The following PRKCA variants were observed in gnomAD, a reference collection of about 807,000 sequenced individuals.
PRKCA encodes the protein protein kinase C alpha type.
Under a neutral mutation model 87.0 loss-of-function variants are expected in PRKCA, and 27 were observed. The observed-to-expected ratio is 0.31, with a 90% CI of 0.23 to 0.43. PRKCA has a LOEUF of 0.43. Ranked by LOEUF, PRKCA falls within the 20% of genes least tolerant of loss-of-function variation. The pLI is 1.00. For synonymous variants in PRKCA, 329 were observed against 311.1 expected, an observed-to-expected ratio of 1.06 and a Z score of -0.61; for missense variants, 518 against 852.3, an observed-to-expected ratio of 0.61 and a Z score of 4.88.
intron 3 of PRKCA, among the ~76,000 whole-genome samples, chr17:66,565,516 G>T (rs1401153049): frequency 6.6e-6 from 1 of 152,166 alleles, no homozygotes; most frequent in East Asian, 1.9e-4. Flanking sequence ...CAATTATAAC[G>T]TGGGACTTTC....
intron 3 of PRKCA, among the ~76,000 whole-genome samples, chr17:66,501,960 A>C (rs2144132749): frequency 6.6e-6 from 1 of 152,304 alleles, no homozygotes; most frequent in Admixed American, 6.5e-5. Context: ...GGGCAGATTC[A>C]GGAAGGGCTA....
At chr17:66,602,274 C>T (rs1451827724) in intron 3 of PRKCA, among the ~76,000 whole-genome samples, 13 of 108,354 alleles carry the variant, frequency 1.2e-4, no homozygotes, top group Admixed American at 1.1e-3. Context: ...TCTCGTGGTG[C>T]GCCGTTTCTT....
intron 3 of PRKCA, among the ~76,000 whole-genome samples, chr17:66,581,657 A>C (rs1032557726): frequency 1.3e-5 from 2 of 151,818 alleles, no homozygotes; most frequent in African/African-American, 2.4e-5. Context: ...TTGTATTTTT[A>C]ATAGAGATAG....
At chr17:66,305,557 A>G (rs1447498428) in intron 1 of PRKCA, among the ~76,000 whole-genome samples, 2 of 152,242 alleles carry the variant, frequency 1.3e-5, no homozygotes. Context: ...AAATGCAAAC[A>G]ATAGGAATTA....
rs137926817 is a variant in PRKCA at position 66,762,437 on chromosome 17, G to A, written c.1525-11550G>A. Among the ~76,000 whole-genome samples the A allele has an allele frequency of 4.6e-5, 7 of 152,300 alleles. No individual in the cohort carries two copies. In the East Asian group the frequency reaches 5.8e-4, roughly 13 times the overall value. Reference sequence around the variant, plus strand: ...GCTGAGGAAATGGAGGCTCAGAGAGGCTAACCAACTTGCCCAAAGTCACAC... The same window carrying A: ...GCTGAGGAAATGGAGGCTCAGAGAGACTAACCAACTTGCCCAAAGTCACAC... On this transcript the variant is annotated intron_variant, in intron 13 of 16. Coordinates refer to ENST00000413366, the MANE Select transcript of PRKCA (RefSeq NM_002737.3).
At chr17:66,438,736 C>T (rs1029239555) in intron 2 of PRKCA, among the ~76,000 whole-genome samples, 1 of 152,094 alleles carries the variant, frequency 6.6e-6, no homozygotes, top group Non-Finnish European at 1.5e-5. Flanking sequence ...GCAAACATGT[C>T]CTTCTTTACA....
chr17:66,478,408 CCA>C (rs898005449), intron 2 of PRKCA, among the ~76,000 whole-genome samples: 1 of 152,108 alleles, frequency 6.6e-6, no homozygotes, highest in Non-Finnish European at 1.5e-5. Flanking sequence ...CCATGTGCCA[CCA>C]CACCTGGCTA....
chr17:66,543,065 A>G (rs1968037350), intron 3 of PRKCA, among the ~76,000 whole-genome samples: 1 of 152,186 alleles, frequency 6.6e-6, no homozygotes, highest in African/African-American at 2.4e-5. Flanking sequence ...CACTTCCGTA[A>G]TTTCTATCCT....
chr17:66,529,922 C>A (rs963859679), intron 3 of PRKCA, among the ~76,000 whole-genome samples: 1 of 152,186 alleles, frequency 6.6e-6, no homozygotes, highest in African/African-American at 2.4e-5. Context: ...GATACTTTTC[C>A]TTCCTCCTCC....
intron 8 of PRKCA, among the ~76,000 whole-genome samples, chr17:66,725,266 A>G (rs917426396): frequency 3.3e-5 from 5 of 152,210 alleles, no homozygotes; most frequent in South Asian, 2.1e-4. Context: ...GCACCAGCTC[A>G]CCTGACTATC....
intron 8 of PRKCA, among the ~76,000 whole-genome samples, chr17:66,721,546 A>T (rs67177242): frequency 6.6e-6 from 1 of 152,038 alleles, no homozygotes; most frequent in African/African-American, 2.4e-5. Flanking sequence ...GGCAATTCCC[A>T]GCACTGAGGG....
chr17:66,514,453 C>T (rs1018278267), intron 3 of PRKCA, among the ~76,000 whole-genome samples: 3 of 152,124 alleles, frequency 2.0e-5, no homozygotes, highest in African/African-American at 7.2e-5. Context: ...AGTGTGTCAT[C>T]CTGGGATTCA....
chr17:66,554,706 CT>C (rs1968443730), intron 3 of PRKCA: 1 of 218,884 alleles, frequency 4.6e-6, no homozygotes, highest in Non-Finnish European at 7.7e-6. Flanking sequence ...CAGCCTTGTC[CT>C]TCCTCTTGGC....
chr17:66,618,061 C>T (rs2143676754), intron 3 of PRKCA, among the ~76,000 whole-genome samples: 1 of 152,276 alleles, frequency 6.6e-6, no homozygotes, highest in East Asian at 1.9e-4. Context: ...CTTCATTAAA[C>T]ATAGTCATTC....
chr17:66,743,459 G>A (rs187284570), intron 13 of PRKCA, among the ~76,000 whole-genome samples: 1 of 152,256 alleles, frequency 6.6e-6, no homozygotes, highest in Non-Finnish European at 1.5e-5. Flanking sequence ...ACTGCATGTT[G>A]TCTGGTCTAG....
chr17:66,610,226 G>A (rs1970318217), intron 3 of PRKCA, among the ~76,000 whole-genome samples: 1 of 152,172 alleles, frequency 6.6e-6, no homozygotes, highest in Admixed American at 6.5e-5. Flanking sequence ...ATATTACAAA[G>A]GATACAAATG....
chr17:66,606,319 C>T (rs1336467431), intron 3 of PRKCA, among the ~76,000 whole-genome samples: 1 of 152,136 alleles, frequency 6.6e-6, no homozygotes, highest in African/African-American at 2.4e-5. Context: ...ACCCGTGAAG[C>T]AGAGATTGCA....
At chr17:66,574,767 A>G (rs34131705) in intron 3 of PRKCA, among the ~76,000 whole-genome samples, 66,766 of 151,794 alleles carry the variant, frequency 0.44, 14,862 homozygotes, top group South Asian at 0.55. Flanking sequence ...TCTGGTCCCA[A>G]GCATTTTGGC....
intron 5 of PRKCA, among the ~76,000 whole-genome samples, chr17:66,662,247 G>A (rs528612876): frequency 2.6e-5 from 4 of 152,262 alleles, no homozygotes; most frequent in South Asian, 2.1e-4. Context: ...CCGTCCAAAC[G>A]AAAGCACTTA....
Sources: gnomAD v4.1 joint callset for allele counts (sites outside exome capture counted in the v4.1 genomes callset) on GRCh38, gnomAD v4.1.1 for gene constraint, MANE v1.5 for transcripts, NCBI Gene and HGNC (gene_info 2026-07-23, HGNC 2026-07-21) for gene names.